ZSCAN22: variants seen among roughly 807,000 people sequenced by gnomAD.
ZSCAN22 encodes zinc finger and SCAN domain-containing protein 22.
In ZSCAN22, 7 loss-of-function variants were observed where a neutral mutation model predicts 12.4. The ratio of observed to expected loss-of-function variants is 0.57; its 90% CI spans 0.32 to 1.06. ZSCAN22 has a LOEUF of 1.06. ZSCAN22 is among the 50% of genes least tolerant of loss of function. The pLI is 0.04. For synonymous variants in ZSCAN22, 243 were observed against 255.9 expected, an observed-to-expected ratio of 0.95 and a Z score of 0.48; for missense variants, 576 against 631.7, an observed-to-expected ratio of 0.91 and a Z score of 0.94.
Position 58,335,288 on chromosome 19 carries a change from G to C in ZSCAN22, c.403+83G>C, listed in dbSNP as rs113593523. The C allele has an allele frequency of 1.7e-4, 242 of 1,439,176 alleles. No individual in the cohort carries two copies. In the African/African-American group the frequency reaches 2.9e-3, roughly 17 times the overall value. 89.2% of individuals were successfully genotyped at this position (1,439,176 alleles called of 1,614,324 possible). A position where few individuals can be genotyped will look rare whatever the true frequency, so the allele number is the denominator to read the frequency against. On this transcript the variant is annotated intron_variant, in intron 2 of 2. Transcript: ENST00000329665. The surrounding 1 kb of genome is among the most constrained non-coding windows in gnomAD (Gnocchi z 4.1). ...CATGGGAGCACAGGGCTCTGGTTTG[G>C]GGTTGCTCATGCACCCATTCTCACA...
Position 58,335,290 on chromosome 19 carries a change from G to T in ZSCAN22, c.403+85G>T. 4.9e-6 allele frequency: 7 copies of T among 1,428,012 alleles called. No homozygotes were observed. The highest frequency in any genetic ancestry group is 1.4e-5 in the African/African-American group (1 of 69,516). The allele number at this position is 1,428,012 out of a possible 1,614,324, so 88.5% of individuals were successfully genotyped here. ...TGGGAGCACAGGGCTCTGGTTTGGGGTTGCTCATGCACCCATTCTCACATT... is the reference window on the plus strand; with the variant it reads ...TGGGAGCACAGGGCTCTGGTTTGGGTTTGCTCATGCACCCATTCTCACATT... On this transcript the variant is annotated intron_variant, in intron 2 of 2. Coordinates refer to ENST00000329665, the MANE Select transcript of ZSCAN22 (RefSeq NM_181846.3). The surrounding 1 kb of genome is among the most constrained non-coding windows in gnomAD (Gnocchi z 4.1).
chr19:58,335,853 G>C lies in ZSCAN22; in HGVS notation c.403+648G>C, dbSNP rs1282513242. Reference sequence around the variant, plus strand: ...ATTTGGGTGGGTCAGACCTGCCCCAGGCTCAGCTGGGCACTGTTACTCACA... The same window carrying C: ...ATTTGGGTGGGTCAGACCTGCCCCACGCTCAGCTGGGCACTGTTACTCACA... On this transcript the variant is annotated intron_variant, in intron 2 of 2. Transcript: ENST00000329665. This position sits in a 1 kb window ranked among gnomAD's most constrained non-coding sequence, Gnocchi z 4.1. Among the ~76,000 whole-genome samples the C allele has an allele frequency of 3.3e-5, 5 of 152,220 alleles. No homozygotes were observed. In the East Asian group the frequency reaches 7.7e-4, roughly 23 times the overall value.
rs762324492 is a variant in ZSCAN22 at position 58,329,114 on chromosome 19, C to T, written c.-52+2000C>T. On this transcript the variant is annotated intron_variant, in intron 1 of 2. Coordinates refer to ENST00000329665, the MANE Select transcript of ZSCAN22 (RefSeq NM_181846.3). The surrounding 1 kb of genome is among the most constrained non-coding windows in gnomAD (Gnocchi z 4.1). ...TTTCAGAACTCGAGAGCAGCAGGGG[C>T]GACAAGGGGCTTAGAAAGGCCACAA... is the stretch of plus-strand genomic sequence containing the variant. Among the ~76,000 whole-genome samples the T allele has an allele frequency of 1.3e-5, 2 of 152,036 alleles. No individual in the cohort carries two copies. The highest frequency in any genetic ancestry group is 2.4e-5 in the African/African-American group (1 of 41,368).
chr19:58,337,836 C>T (rs1407529868), intron 2 of ZSCAN22, among the ~76,000 whole-genome samples: 4 of 150,582 alleles, frequency 2.7e-5, no homozygotes, highest in East Asian at 2.0e-4. Context: ...CAGGCCTAGA[C>T]GCAAGGTGTT....
At chr19:58,333,642 G>A (rs541574553) in intron 1 of ZSCAN22, among the ~76,000 whole-genome samples, 7 of 152,288 alleles carry the variant, frequency 4.6e-5, no homozygotes, top group Non-Finnish European at 7.4e-5. Context: ...TCAGGAGTTC[G>A]AGACCAGCCC....
In ZSCAN22 at chr19:58,338,939, C is replaced by T. The variant is rs773665918; in HGVS notation, c.1089C>T (p.Arg363=). The change falls in exon 3 of 3, where the codon CGC becomes CGT. Residue 363 remains arginine (R), a synonymous_variant. Coordinates refer to ENST00000329665, the MANE Select transcript of ZSCAN22 (RefSeq NM_181846.3). This position sits in a 1 kb window ranked among gnomAD's most constrained non-coding sequence, Gnocchi z 5.4. The stretch of plus-strand genomic sequence containing the variant: ...GGGAATGTGGTAAAACCTTCAGCCG[C>T]AGCACTCACCTCACCCAGCACCAGC... ...KCGECGKTFS[R]STHLTQHQRV... 4.3e-6 allele frequency: 7 copies of T among 1,613,776 alleles called. No homozygotes were observed. The highest frequency in any genetic ancestry group is 3.3e-5 in the South Asian group (3 of 91,060).
At chr19:58,328,007 C>T (rs1223579180) in intron 1 of ZSCAN22, among the ~76,000 whole-genome samples, 1 of 152,140 alleles carries the variant, frequency 6.6e-6, no homozygotes, top group African/African-American at 2.4e-5. Context: ...CCGGCCACCA[C>T]ACTTGGCTAA....
chr19:58,338,641 G>C lies in ZSCAN22; in HGVS notation c.791G>C (p.Gly264Ala). 1.2e-6 allele frequency: 2 copies of C among 1,614,236 alleles called. No homozygotes were observed. Among genetic ancestry groups the C allele is most frequent in the Middle Eastern group, 1.6e-4 (1 of 6,062 alleles). ...YGTEPPYTYS[G>A]KRSSKCRECR... ...ACAGAGCCTCCATACACCTACTCAG[G>C]GAAGAGGTCCTCCAAGTGTCGCGAG... Residue 264 changes from glycine to alanine, a missense_variant, in exon 3 of 3, where the codon GGG (glycine) becomes GCG (alanine). Physicochemically the swap from Gly to Ala is moderately conservative, Grantham distance 60 (BLOSUM62 0). Coordinates refer to ENST00000329665, the MANE Select transcript of ZSCAN22 (RefSeq NM_181846.3). This position sits in a 1 kb window ranked among gnomAD's most constrained non-coding sequence, Gnocchi z 5.4.
rs10423596 is a variant in ZSCAN22 at position 58,335,780 on chromosome 19, G to C, written c.403+575G>C. On this transcript the variant is annotated intron_variant, in intron 2 of 2. Coordinates refer to ENST00000329665, the MANE Select transcript of ZSCAN22 (RefSeq NM_181846.3). This position sits in a 1 kb window ranked among gnomAD's most constrained non-coding sequence, Gnocchi z 4.1. ...GCTGTTGGGGGTGACGGAAATACCA[G>C]ATGTCCCTGTGTACCTTCTCTATGC... Among the ~76,000 whole-genome samples, 2,727 of 152,340 alleles carry C rather than the reference G, an allele frequency of 0.018. 69 individuals carry two copies. Among genetic ancestry groups the C allele is most frequent in the African/African-American group, 0.063 (2,605 of 41,592 alleles).
In ZSCAN22 at chr19:58,339,595, G is replaced by C. The variant is rs1165870423; in HGVS notation, c.*269G>C. ...ATTTCCCACTCAGGGCTGTCCCAGAGAGAAGGCAGCCGAACTGAGGATTTA... is the reference window on the plus strand; with the variant it reads ...ATTTCCCACTCAGGGCTGTCCCAGACAGAAGGCAGCCGAACTGAGGATTTA... On this transcript the variant is annotated 3_prime_UTR_variant, in exon 3 of 3. Coordinates refer to ENST00000329665, the MANE Select transcript of ZSCAN22 (RefSeq NM_181846.3). This position sits in a 1 kb window ranked among gnomAD's most constrained non-coding sequence, Gnocchi z 5.6. 7.4e-6 allele frequency: 3 copies of C among 407,972 alleles called. No individual in the cohort carries two copies. The highest frequency in any genetic ancestry group is 7.6e-5 in the East Asian group (2 of 26,190). The allele number at this position is 407,972 out of a possible 1,614,324, so 25.3% of individuals were successfully genotyped here.
intron 1 of ZSCAN22, among the ~76,000 whole-genome samples, chr19:58,334,430 C>T (rs1047874832): frequency 2.0e-5 from 3 of 152,200 alleles, no homozygotes; most frequent in Admixed American, 2.0e-4. Flanking sequence ...CATTCTCCTG[C>T]CTCAGCCTCC....
At chr19:58,337,419 C>A (rs2051812193) in intron 2 of ZSCAN22, among the ~76,000 whole-genome samples, 1 of 144,534 alleles carries the variant, frequency 6.9e-6, no homozygotes, top group African/African-American at 2.6e-5. Flanking sequence ...GAGATCAGAG[C>A]CTGCAGGGGA....
At chr19:58,328,577 G>A (rs1002963962) in intron 1 of ZSCAN22, among the ~76,000 whole-genome samples, 7 of 152,204 alleles carry the variant, frequency 4.6e-5, no homozygotes, top group African/African-American at 1.7e-4. Context: ...ATCCATGTGT[G>A]AGAAATGAAA....
At position 58,339,448 on chromosome 19, in the gene ZSCAN22, G is replaced by A; in HGVS notation, c.*122G>A. The A allele has an allele frequency of 1.1e-6, 1 of 914,260 alleles. No individual in the cohort carries two copies. Among genetic ancestry groups the A allele is most frequent in the Non-Finnish European group, 1.6e-6 (1 of 621,586 alleles). 56.6% of individuals were successfully genotyped at this position (914,260 alleles called of 1,614,324 possible). ...TGATTGATGAGTTGTCAAAATGATA[G>A]GTGCCTGAGGGCAGACTCGGGCTGT... On this transcript the variant is annotated 3_prime_UTR_variant, in exon 3 of 3. Coordinates refer to ENST00000329665, the MANE Select transcript of ZSCAN22 (RefSeq NM_181846.3). The surrounding 1 kb of genome is among the most constrained non-coding windows in gnomAD (Gnocchi z 5.6).
rs1223177566 is a variant in ZSCAN22 at position 58,327,099 on chromosome 19, C to T, written c.-67C>T. The T allele has an allele frequency of 6.5e-6, 1 of 153,064 alleles. No homozygotes were observed. The highest frequency in any genetic ancestry group is 1.5e-5 in the Non-Finnish European group (1 of 68,598). The allele number at this position is 153,064 out of a possible 1,614,324, so 9.5% of individuals were successfully genotyped here. ...TGCGGCCACCTCCGGAAGGGTCCGCCGGCTGTGCTGGTGAGGTGGGTTTCG... is the reference window on the plus strand; with the variant it reads ...TGCGGCCACCTCCGGAAGGGTCCGCTGGCTGTGCTGGTGAGGTGGGTTTCG... On this transcript the variant is annotated 5_prime_UTR_variant, in exon 1 of 3. Transcript: ENST00000329665.
chr19:58,334,544 G>GT (rs1253614071), intron 1 of ZSCAN22: 2 of 382,818 alleles, frequency 5.2e-6, no homozygotes, highest in African/African-American at 4.1e-5. Context: ...GGTGTTTGTT[G>GT]TAAGTTTTAA....
At position 58,334,901 on chromosome 19, in the gene ZSCAN22, G is replaced by T. The variant is rs774814910; in HGVS notation, c.99G>T (p.Gln33His). The change falls in exon 2 of 3, where the codon CAG (glutamine) becomes CAT (histidine). Residue 33 changes from glutamine to histidine, a missense_variant. Physicochemically the swap from Gln to His is conservative, Grantham distance 24. Transcript: ENST00000329665. ...VEEEEEASLSQGGESSHDHIA... is the reference protein window; with the variant it reads ...VEEEEEASLSHGGESSHDHIA... ...AGGAAGAGGAAGCCAGCCTCTCCCA[G>T]GGCGGAGAATCCAGCCATGACCACA... 3.1e-6 allele frequency: 5 copies of T among 1,614,116 alleles called. No homozygotes were observed. The highest frequency in any genetic ancestry group is 1.1e-5 in the South Asian group (1 of 91,090).
chr19:58,338,475 G>A lies in ZSCAN22; in HGVS notation c.625G>A (p.Gly209Arg). The A allele has an allele frequency of 6.2e-7, 1 of 1,614,188 alleles. No individual in the cohort carries two copies. Among genetic ancestry groups the A allele is most frequent in the Non-Finnish European group, 8.5e-7 (1 of 1,180,042 alleles). ...ACAGATCCACTTCAAGAAAACTTCA[G>A]GGCCTTACAAGGATGTCCCCACAGA... ...TQQIHFKKTS[G>R]PYKDVPTDQR... Residue 209 changes from glycine to arginine, a missense_variant, in exon 3 of 3, where the codon GGG (glycine) becomes AGG (arginine). By Grantham distance (125) the Gly-to-Arg change is moderately radical (BLOSUM62 -2). Transcript: ENST00000329665. The surrounding 1 kb of genome is among the most constrained non-coding windows in gnomAD (Gnocchi z 5.4).
At chr19:58,328,598 T>TTTA (rs1169811531) in intron 1 of ZSCAN22, among the ~76,000 whole-genome samples, 22 of 152,184 alleles carry the variant, frequency 1.4e-4, no homozygotes, top group Non-Finnish European at 2.9e-4. Context: ...AGAACCACCC[T>TTTA]CCTTGGTTGG....
Sources: allele counts gnomAD v4.1 joint callset (sites outside exome capture counted in the v4.1 genomes callset), GRCh38; gene constraint gnomAD v4.1.1; non-coding constraint Gnocchi (gnomAD v3.1); transcripts MANE v1.5; gene names NCBI Gene and HGNC (gene_info 2026-07-23, HGNC 2026-07-21).